The following FGF12 variants were observed in gnomAD, a reference collection of about 807,000 sequenced individuals.
FGF12 encodes the protein fibroblast growth factor 12, also known as fibroblast growth factor 12B.
In FGF12, 14 loss-of-function variants were observed where a neutral mutation model predicts 23.6. The ratio of observed to expected loss-of-function variants is 0.59; its 90% CI spans 0.39 to 0.93. FGF12 has a LOEUF of 0.93. Ranked by LOEUF, FGF12 falls within the 40% of genes least tolerant of loss-of-function variation. The probability of loss-of-function intolerance (pLI) is 0.00; values close to 1 mark genes in which losing one functional copy is unlikely to be tolerated. For synonymous variants in FGF12, 62 were observed against 77.3 expected, an observed-to-expected ratio of 0.80 and a Z score of 1.04; for missense variants, 175 against 217.8, an observed-to-expected ratio of 0.80 and a Z score of 1.24.
chr3:192,295,790 T>C (rs1372786276), intron 4 of FGF12, among the ~76,000 whole-genome samples: 1 of 152,220 alleles, frequency 6.6e-6, no homozygotes, highest in Non-Finnish European at 1.5e-5. Context: ...ACTATTTTTA[T>C]CACAAACACT....
At chr3:192,423,557 T>C (rs560989381) in intron 2 of FGF12, among the ~76,000 whole-genome samples, 33 of 152,250 alleles carry the variant, frequency 2.2e-4, no homozygotes, top group African/African-American at 7.0e-4. Context: ...GATTTAGATA[T>C]GGAATCACCA....
chr3:192,568,176 G>A (rs1712430513), intron 2 of FGF12, among the ~76,000 whole-genome samples: 1 of 151,974 alleles, frequency 6.6e-6, no homozygotes, highest in Admixed American at 6.6e-5. Context: ...TGGATTTAGG[G>A]TCCACCTAGA....
intron 4 of FGF12, among the ~76,000 whole-genome samples, chr3:192,296,725 A>G (rs1175026419): frequency 6.6e-6 from 1 of 152,202 alleles, no homozygotes; most frequent in East Asian, 1.9e-4. Flanking sequence ...ATAATTCTGT[A>G]TGAAACTTTT....
chr3:192,586,450 T>C (rs989239119), intron 2 of FGF12, among the ~76,000 whole-genome samples: 1 of 152,120 alleles, frequency 6.6e-6, no homozygotes, highest in Non-Finnish European at 1.5e-5. Flanking sequence ...AATGAAAGAA[T>C]GTAAATAAAG....
chr3:192,498,441 T>C (rs1046130958), intron 2 of FGF12, among the ~76,000 whole-genome samples: 2 of 152,226 alleles, frequency 1.3e-5, no homozygotes, highest in Admixed American at 6.5e-5. Context: ...CACCTAAAAG[T>C]AGTTCAACTG....
At chr3:192,230,205 C>G (rs374367384) in intron 4 of FGF12, among the ~76,000 whole-genome samples, 11 of 152,184 alleles carry the variant, frequency 7.2e-5, no homozygotes, top group African/African-American at 2.6e-4. Context: ...CTTTCAAGAT[C>G]CACTTTTATC....
At chr3:192,532,560 G>A (rs771999954) in intron 2 of FGF12, among the ~76,000 whole-genome samples, 12 of 151,950 alleles carry the variant, frequency 7.9e-5, no homozygotes, top group East Asian at 1.9e-4. Context: ...TGTCGTTGTT[G>A]GTGTATAGCA....
At chr3:192,603,790 A>T (rs1314378223) in intron 2 of FGF12, among the ~76,000 whole-genome samples, 1 of 152,182 alleles carries the variant, frequency 6.6e-6, no homozygotes, top group Non-Finnish European at 1.5e-5. Context: ...AGAACTCCTG[A>T]TAAGGGTCTA....
chr3:192,329,938 G>A (rs571738276), intron 4 of FGF12, among the ~76,000 whole-genome samples: 6 of 152,180 alleles, frequency 3.9e-5, no homozygotes, highest in Middle Eastern at 3.4e-3. Flanking sequence ...GTTTGAGAAA[G>A]AGATGCATTA....
chr3:192,515,687 A>C (rs1724646593), intron 2 of FGF12, among the ~76,000 whole-genome samples: 1 of 152,158 alleles, frequency 6.6e-6, no homozygotes, highest in South Asian at 2.1e-4. Flanking sequence ...GAGGCAGGTG[A>C]GGCGAGAAAT....
At chr3:192,155,109 G>T (rs1403852895) in intron 5 of FGF12, among the ~76,000 whole-genome samples, 2 of 148,460 alleles carry the variant, frequency 1.3e-5, no homozygotes, top group Non-Finnish European at 3.0e-5. Flanking sequence ...TCTTTGACTC[G>T]GAAAGGGAAC....
intron 2 of FGF12, among the ~76,000 whole-genome samples, chr3:192,625,597 C>A (rs1357032797): frequency 6.6e-6 from 1 of 151,976 alleles, no homozygotes; most frequent in Non-Finnish European, 1.5e-5. Flanking sequence ...GAAAGCAATA[C>A]AGATTCTAGG....
chr3:192,263,941 T>C (rs76357963), intron 4 of FGF12, among the ~76,000 whole-genome samples: 4,161 of 152,126 alleles, frequency 0.027, 140 homozygotes, highest in African/African-American at 0.084. Context: ...AAACAGTTAA[T>C]ATCAGTATGC....
intron 4 of FGF12, among the ~76,000 whole-genome samples, chr3:192,274,262 T>C (rs1333841500): frequency 2.6e-5 from 4 of 152,182 alleles, no homozygotes; most frequent in Non-Finnish European, 4.4e-5. Flanking sequence ...CAAGCATCTT[T>C]GTAAAATAAC....
intron 2 of FGF12, among the ~76,000 whole-genome samples, chr3:192,496,597 GAGAA>G (rs1172310699): frequency 2.6e-5 from 4 of 152,134 alleles, no homozygotes; most frequent in South Asian, 4.2e-4. Context: ...AAAACTCTTA[GAGAA>G]AGATTTTTCC....
chr3:192,443,071 G>T (rs963209473), intron 2 of FGF12, among the ~76,000 whole-genome samples: 1 of 152,058 alleles, frequency 6.6e-6, no homozygotes, highest in African/African-American at 2.4e-5. Flanking sequence ...ACCTCCTAAA[G>T]TGCTGAGATT....
intron 2 of FGF12, chr3:192,521,188 T>C (rs1354473141): frequency 6.6e-6 from 1 of 152,250 alleles, no homozygotes; most frequent in Non-Finnish European, 1.5e-5. Flanking sequence ...TTTTCATTTA[T>C]GTCAGTGTGA....
At chr3:192,203,795 G>A (rs148637371) in intron 4 of FGF12, among the ~76,000 whole-genome samples, 3,143 of 151,986 alleles carry the variant, frequency 0.021, 122 homozygotes, top group African/African-American at 0.072. Context: ...TAGAGACAGG[G>A]TTCTCACTAT....
chr3:192,347,658 G>A (rs568969678), intron 3 of FGF12, among the ~76,000 whole-genome samples: 8 of 152,182 alleles, frequency 5.3e-5, no homozygotes, highest in African/African-American at 7.2e-5. Flanking sequence ...ATTAGACTTC[G>A]ATCAATTCTT....
Sources: allele counts gnomAD v4.1 joint callset (sites outside exome capture counted in the v4.1 genomes callset), GRCh38; gene constraint gnomAD v4.1.1; transcripts MANE v1.5; gene names NCBI Gene and HGNC (gene_info 2026-07-23, HGNC 2026-07-21).